MDN1: variants seen among roughly 807,000 people sequenced by gnomAD.
MDN1 encodes the protein midasin.
Under a neutral mutation model 669.2 loss-of-function variants are expected in MDN1, and 266 were observed. The observed-to-expected ratio is 0.40, with a 90% confidence interval of 0.36 to 0.44. MDN1 has a LOEUF of 0.44. MDN1 is among the 20% of genes least tolerant of loss of function. The pLI, the probability that MDN1 is intolerant of heterozygous loss-of-function variation, is 1.00. For synonymous variants in MDN1, 2,385 were observed against 2,457.1 expected, an observed-to-expected ratio of 0.97 and a Z score of 0.87; for missense variants, 5,940 against 6,754.0, an observed-to-expected ratio of 0.88 and a Z score of 4.22.
Position 89,683,847 on chromosome 6 carries a change from C to T in MDN1, c.11887G>A (p.Val3963Ile). The T allele has an allele frequency of 6.2e-7, 1 of 1,613,276 alleles. No individual in the cohort carries two copies. The highest frequency in any genetic ancestry group is 8.5e-7 in the Non-Finnish European group (1 of 1,179,472). Residue 3963 changes from valine (V) to isoleucine (I), a missense_variant, in exon 72 of 102, where the codon GTA becomes ATA. Transcript: ENST00000369393. Reference sequence around the variant, plus strand: ...ATGGATTACCTGTGTGTCTTTTCTACAGATTGCTTAATGGACCAGAAGCTG... The same window carrying T: ...ATGGATTACCTGTGTGTCTTTTCTATAGATTGCTTAATGGACCAGAAGCTG... ...DVSFWSIKQS[V>I]EKTHRTLFKF... is the part of the protein sequence containing the mutation.
At chr6:89,660,179 G>A (rs1202783419) in intron 88 of MDN1, among the ~76,000 whole-genome samples, 3 of 152,002 alleles carry the variant, frequency 2.0e-5, no homozygotes, top group South Asian at 2.1e-4. Context: ...GAACCACCGC[G>A]CCTGGCTAAT....
At position 89,802,850 on chromosome 6, in the gene MDN1, T is replaced by C. The variant is rs536969512; in HGVS notation, c.329+478A>G. Among the ~76,000 whole-genome samples the C allele has an allele frequency of 1.1e-4, 16 of 152,334 alleles. No individual in the cohort carries two copies. The South Asian group carries it at 3.3e-3, about 32-fold the overall frequency. ...TCAAAACTATATTTTACTATCTCTT[T>C]AAAAGTCACATTAAAATCCAGCTCT... On this transcript the variant is annotated intron_variant, in intron 2 of 101. Coordinates refer to ENST00000369393, the MANE Select transcript of MDN1 (RefSeq NM_014611.3).
In MDN1 at chr6:89,819,576, G is replaced by T; in HGVS notation, c.32C>A (p.Ala11Glu). ...CTTGGCTGCGATTAACCGCAGCGGC[G>T]CGGCTGCCACCTCCAGCAAGAAGTG... MEHFLLEVAA[A>E]PLRLIAAKNE... The change falls in exon 1 of 102, where the codon GCG becomes GAG. Residue 11 changes from alanine to glutamate, a missense_variant. Physicochemically the swap from Ala to Glu is moderately radical, Grantham distance 107 (BLOSUM62 -1). Coordinates refer to ENST00000369393, the MANE Select transcript of MDN1 (RefSeq NM_014611.3). 1 of 1,602,960 alleles carries T rather than the reference G, an allele frequency of 6.2e-7. No individual in the cohort carries two copies.
chr6:89,816,171 G>A (rs1021988953), intron 1 of MDN1, among the ~76,000 whole-genome samples: 2 of 152,062 alleles, frequency 1.3e-5, no homozygotes, highest in East Asian at 1.9e-4. Flanking sequence ...AGGCCGACGC[G>A]GGTGGATCAC....
At chr6:89,661,988 G>A (rs536036021) in intron 87 of MDN1, 99 bp downstream of exon 87, 24 of 1,409,506 alleles carry the variant, frequency 1.7e-5, no homozygotes, top group Middle Eastern at 1.8e-4. Flanking sequence ...AGCAGTCGAC[G>A]AACAGGGGAA....
intron 2 of MDN1, among the ~76,000 whole-genome samples, chr6:89,798,304 G>A (rs1414933973): frequency 1.3e-5 from 2 of 151,888 alleles, no homozygotes; most frequent in African/African-American, 4.8e-5. Context: ...ACCTGAGGTT[G>A]GGAGTTCGAG....
chr6:89,754,270 TAAGTATC>T (rs1817117792), intron 20 of MDN1, 40 bp from the exon 21 acceptor site: 1 of 1,594,920 alleles, frequency 6.3e-7, no homozygotes, highest in South Asian at 1.1e-5. Context: ...TATTTACTAA[TAAGTATC>T]CAGTATTATC....
At chr6:89,646,181 A>C (rs555539254) in intron 100 of MDN1, among the ~76,000 whole-genome samples, 1 of 152,324 alleles carries the variant, frequency 6.6e-6, no homozygotes, top group Non-Finnish European at 1.5e-5. Context: ...GAAAAACTCC[A>C]TGTGTAAGTA....
chr6:89,809,602 C>T (rs1048105327), intron 1 of MDN1, among the ~76,000 whole-genome samples: 8 of 151,718 alleles, frequency 5.3e-5, no homozygotes, highest in African/African-American at 1.9e-4. Context: ...ATAGCGAAAC[C>T]CCATCTCTAC....
intron 1 of MDN1, among the ~76,000 whole-genome samples, chr6:89,812,134 C>CAT (rs1562244846): frequency 6.6e-6 from 1 of 151,526 alleles, no homozygotes. Context: ...TACAGGCATG[C>CAT]GCCACCACAC....
intron 13 of MDN1, 72 bp from the exon 14 acceptor site, chr6:89,772,793 T>C: frequency 6.6e-7 from 1 of 1,516,044 alleles, no homozygotes; most frequent in Middle Eastern, 2.4e-4. Flanking sequence ...GGAAACCATA[T>C]ATTCCAGATT....
At chr6:89,663,923 C>T (rs1412830337) in intron 85 of MDN1, among the ~76,000 whole-genome samples, 2 of 135,146 alleles carry the variant, frequency 1.5e-5, no homozygotes, top group East Asian at 2.1e-4. Context: ...GTCTGGGGGA[C>T]AGAGCGAGAC....
intron 17 of MDN1, among the ~76,000 whole-genome samples, chr6:89,759,297 G>A (rs1230032090): frequency 1.3e-5 from 2 of 152,104 alleles, no homozygotes; most frequent in Non-Finnish European, 2.9e-5. Context: ...ATAGGGTCAG[G>A]CTATACCAAG....
In MDN1 at chr6:89,751,577, A is replaced by T. The variant is rs202024033; in HGVS notation, c.3081T>A (p.Ile1027=). ...GNVKSLLKQP[I]PEPKGGRLIQ... is the part of the protein sequence containing the mutation. ...TAAGCCGACCTCCTTTTGGCTCTGG[A>T]ATAGGCTGAAAGACACAGAAGTTCA... is the stretch of plus-strand genomic sequence containing the variant. The change falls in exon 23 of 102, where the codon ATT becomes ATA. Residue 1027 remains isoleucine, a synonymous_variant. Transcript: ENST00000369393. The T allele has an allele frequency of 2.4e-5, 38 of 1,613,708 alleles. No homozygotes were observed. Among genetic ancestry groups the T allele is most frequent in the Middle Eastern group, 1.7e-4 (1 of 6,028 alleles).
chr6:89,712,485 C>G, intron 48 of MDN1, 90 bp downstream of exon 48: 1 of 1,290,146 alleles, frequency 7.8e-7, no homozygotes, highest in Non-Finnish European at 1.1e-6. Context: ...CCACAGAATG[C>G]TCCAGTTAAA....
intron 37 of MDN1, among the ~76,000 whole-genome samples, chr6:89,726,098 G>T (rs180995055): frequency 3.9e-4 from 60 of 152,222 alleles, no homozygotes; most frequent in Non-Finnish European, 7.6e-4. Context: ...TGCTCTGTAA[G>T]TAATAACTTG....
chr6:89,803,548 T>A lies in MDN1; in HGVS notation c.109A>T (p.Thr37Ser). Residue 37 changes from threonine to serine, a missense_variant, in exon 2 of 102, where the codon ACA becomes TCA. By Grantham distance (58) the Thr-to-Ser change is moderately conservative. Coordinates refer to ENST00000369393, the MANE Select transcript of MDN1 (RefSeq NM_014611.3). ...LGRFLAKQVWTPQDRQCVLST... is the reference protein window; with the variant it reads ...LGRFLAKQVWSPQDRQCVLST... Reference sequence around the variant, plus strand: ...AGGACACACTGGCGATCTTGAGGTGTCCACACCTGAGAAAGGCAAAACAAA... The same window carrying A: ...AGGACACACTGGCGATCTTGAGGTGACCACACCTGAGAAAGGCAAAACAAA... The A allele has an allele frequency of 6.2e-7, 1 of 1,607,590 alleles. No homozygotes were observed.
At chr6:89,686,556 A>T (rs577145607) in intron 69 of MDN1, among the ~76,000 whole-genome samples, 13 of 152,380 alleles carry the variant, frequency 8.5e-5, no homozygotes, top group Admixed American at 4.6e-4. Context: ...AAAATAAAAG[A>T]CTGTTCATTC....
In MDN1 at chr6:89,816,327, G is replaced by A. The variant is rs530003263; in HGVS notation, c.102+3179C>T. ...AGGCAGGAGAACTGCTTGAACCCAG[G>A]GGGCAGAGGTTGCAGTGAGTTGAGA... On this transcript the variant is annotated intron_variant, in intron 1 of 101. Coordinates refer to ENST00000369393, the MANE Select transcript of MDN1 (RefSeq NM_014611.3). Among the ~76,000 whole-genome samples the A allele has an allele frequency of 3.3e-5, 5 of 152,214 alleles. 1 individual carries two copies. The highest frequency in any genetic ancestry group is 1.3e-4 in the Admixed American group (2 of 15,284).
Sources: gnomAD v4.1 joint callset for allele counts (sites outside exome capture counted in the v4.1 genomes callset) on GRCh38, gnomAD v4.1.1 for gene constraint, MANE v1.5 for transcripts, NCBI Gene and HGNC (gene_info 2026-07-23, HGNC 2026-07-21) for gene names.